Variants in GSAP observed in about 807,000 individuals in gnomAD.
GSAP encodes the protein gamma-secretase-activating protein.
In GSAP, 118 loss-of-function variants were observed where a neutral mutation model predicts 131.7. That is an observed-to-expected ratio of 0.90 (90% CI 0.77 to 1.04). The LOEUF (loss-of-function observed/expected upper bound fraction) is 1.04, where lower values mean the gene tolerates loss of function less well. Ranked by LOEUF, GSAP falls within the 50% of genes least tolerant of loss-of-function variation. The pLI is 0.00. For missense variants in GSAP, 1,019 were observed against 1,013.2 expected (o/e 1.01, Z -0.08); for synonymous variants, 381 against 363.4 (o/e 1.05, Z -0.55).
upstream of GSAP, chr7:77,416,397 C>T: frequency 1.4e-6 from 1 of 692,042 alleles, no homozygotes; most frequent in Non-Finnish European, 2.2e-6. Context: ...CCGCCTCGCC[C>T]TCGCGTCCCC....
At chr7:77,312,644 C>T (rs764852214) in intron 28 of GSAP, among the ~76,000 whole-genome samples, 74 of 152,206 alleles carry the variant, frequency 4.9e-4, no homozygotes, top group Non-Finnish European at 9.1e-4. Flanking sequence ...AGCAATGTTT[C>T]CCAGAGAGAT....
At position 77,387,502 on chromosome 7, in the gene GSAP, T is replaced by C. The variant is rs1051812036; in HGVS notation, c.368-54A>G. 1.0e-5 allele frequency: 10 copies of C among 956,162 alleles called. No homozygotes were observed. In the African/African-American group the frequency reaches 1.5e-4, roughly 14 times the overall value. The allele number at this position is 956,162 out of a possible 1,614,324, so 59.2% of individuals were successfully genotyped here. ...GAAGATTGTAATATCACACATTATT[T>C]TTTCCAAAGCAAGGAGTAAGAACAA... On this transcript the variant is annotated intron_variant, in intron 5 of 30. Transcript: ENST00000257626.
chr7:77,351,198 G>C, intron 18 of GSAP: 1 of 982,836 alleles, frequency 1.0e-6, no homozygotes, highest in Non-Finnish European at 1.2e-6. Flanking sequence ...TCTATTGTGT[G>C]CTTCATTTAT....
At chr7:77,378,090 C>T (rs1797229098) in intron 8 of GSAP, among the ~76,000 whole-genome samples, 1 of 152,162 alleles carries the variant, frequency 6.6e-6, no homozygotes, top group South Asian at 2.1e-4. Flanking sequence ...TGCTATAAGC[C>T]TCCCCCAGTG....
chr7:77,314,690 C>T (rs375582296), intron 26 of GSAP: 80 of 509,846 alleles, frequency 1.6e-4, no homozygotes, highest in South Asian at 3.0e-4. Flanking sequence ...AGTAAGTTTC[C>T]GGTAAGTATA....
At chr7:77,382,696 T>C in intron 6 of GSAP, 53 bp from the exon 7 acceptor site, 1 of 993,184 alleles carries the variant, frequency 1.0e-6, no homozygotes, top group Non-Finnish European at 1.6e-6. Flanking sequence ...CTTGAACAAG[T>C]ATTTCCAAAG....
intron 27 of GSAP, among the ~76,000 whole-genome samples, chr7:77,314,134 A>T (rs1431117462): frequency 6.6e-6 from 1 of 152,224 alleles, no homozygotes; most frequent in African/African-American, 2.4e-5. Context: ...CAGGGAATGG[A>T]TTGTGCTCAC....
intron 18 of GSAP, chr7:77,351,196 G>C: frequency 1.0e-6 from 1 of 982,972 alleles, no homozygotes. Flanking sequence ...AATCTATTGT[G>C]TGCTTCATTT....
Position 77,345,890 on chromosome 7 carries a change from T to C in GSAP, c.1545+3461A>G, listed in dbSNP as rs562100982. On this transcript the variant is annotated intron_variant, in intron 19 of 30. Coordinates refer to ENST00000257626, the MANE Select transcript of GSAP (RefSeq NM_017439.4). Reference sequence around the variant, plus strand: ...CTGGACGCACGTGACATCCCTTTCATTGAATATCAATTTATCACAAAATAA... The same window carrying C: ...CTGGACGCACGTGACATCCCTTTCACTGAATATCAATTTATCACAAAATAA... 2.5e-4 allele frequency among the ~76,000 whole-genome samples: 38 copies of C among 152,304 alleles called. No homozygotes were observed. In the South Asian group the frequency reaches 4.8e-3, roughly 19 times the overall value.
At chr7:77,319,958 C>T (rs889021460) in intron 26 of GSAP, among the ~76,000 whole-genome samples, 2 of 152,142 alleles carry the variant, frequency 1.3e-5, no homozygotes, top group Admixed American at 1.3e-4. Context: ...GACCTGCTAT[C>T]CAACATTGTA....
rs752629511 is a variant in GSAP, at chr7:77,406,080, G to A, written c.135C>T (p.Ser45=). ...TTCTTTCAACATTTAATACATGTAAGCTCTCATAATCGTTTTCTAAAACAT... is the reference window on the plus strand; with the variant it reads ...TTCTTTCAACATTTAATACATGTAAACTCTCATAATCGTTTTCTAAAACAT... The part of the protein sequence containing the change: ...GADVLENDYE[S]LHVLNVERNG... The change falls in exon 2 of 31, where the codon AGC becomes AGT. Residue 45 remains serine (S), a synonymous_variant. Coordinates refer to ENST00000257626, the MANE Select transcript of GSAP (RefSeq NM_017439.4). 1 of 1,198,488 alleles carries A rather than the reference G, an allele frequency of 8.3e-7. No homozygotes were observed. Among genetic ancestry groups the A allele is most frequent in the Non-Finnish European group, 1.1e-6 (1 of 899,222 alleles). 74.2% of individuals were successfully genotyped at this position (1,198,488 alleles called of 1,614,324 possible). A position where few individuals can be genotyped will look rare whatever the true frequency, so the allele number is the denominator to read the frequency against.
intron 26 of GSAP, among the ~76,000 whole-genome samples, chr7:77,318,258 C>A (rs1787136739): frequency 6.6e-6 from 1 of 152,156 alleles, no homozygotes; most frequent in African/African-American, 2.4e-5. Context: ...TTAAGTGGAA[C>A]CACATGAAAG....
chr7:77,405,982 A>C, intron 2 of GSAP, 47 bp downstream of exon 2: 2 of 687,772 alleles, frequency 2.9e-6, no homozygotes, highest in Non-Finnish European at 4.3e-6. Context: ...ATGATTAAAA[A>C]CAGTAAATTT....
chr7:77,400,344 C>T (rs1032443166), intron 3 of GSAP, among the ~76,000 whole-genome samples: 1 of 152,072 alleles, frequency 6.6e-6, no homozygotes, highest in Non-Finnish European at 1.5e-5. Flanking sequence ...GGGATGGTGT[C>T]CAAGGTGGCT....
intron 19 of GSAP, among the ~76,000 whole-genome samples, chr7:77,335,755 T>C (rs1027406293): frequency 6.6e-6 from 1 of 152,304 alleles, no homozygotes; most frequent in African/African-American, 2.4e-5. Context: ...TTAAGCAGCA[T>C]CTTCTTACAG....
At chr7:77,321,174 A>T (rs899940818) in intron 25 of GSAP, among the ~76,000 whole-genome samples, 159 bp downstream of exon 25, 1 of 152,152 alleles carries the variant, frequency 6.6e-6, no homozygotes, top group Non-Finnish European at 1.5e-5. Context: ...GTACATATGC[A>T]GGGGGGCATA....
chr7:77,402,616 A>AAAAAAAAAAT lies in GSAP; in HGVS notation c.243+1942_243+1943insATTTTTTTTT, dbSNP rs375595494. Among the ~76,000 whole-genome samples, 518 of 80,302 alleles carry AAAAAAAAAAT rather than the reference A, an allele frequency of 6.5e-3. 47 individuals are homozygous for AAAAAAAAAAT. The highest frequency in any genetic ancestry group is 0.03 in the Middle Eastern group (3 of 100). 52.7% of individuals were successfully genotyped at this position (80,302 alleles called of 152,430 possible). A position where few individuals can be genotyped will look rare whatever the true frequency, so the allele number is the denominator to read the frequency against. On this transcript the variant is annotated intron_variant, in intron 3 of 30. Coordinates refer to ENST00000257626, the MANE Select transcript of GSAP (RefSeq NM_017439.4). ...CTCAAAAAAAAAAAAAAAAAAAAAA[A>AAAAAAAAAAT]GAATTTTAAAGCCCATCTAGATTTG...
chr7:77,411,099 A>T (rs1345153316), intron 1 of GSAP, among the ~76,000 whole-genome samples: 6 of 7,042 alleles, frequency 8.5e-4, no homozygotes, highest in South Asian at 5.9e-3. Context: ...AGAAAATAGT[A>T]AAAAAAAAAA....
At chr7:77,379,111 G>A (rs543408124) in intron 8 of GSAP, among the ~76,000 whole-genome samples, 2 of 152,086 alleles carry the variant, frequency 1.3e-5, no homozygotes, top group African/African-American at 2.4e-5. Flanking sequence ...TCTAAACCTT[G>A]GACAATCATT....
Sources: gnomAD v4.1 joint callset for allele counts (sites outside exome capture counted in the v4.1 genomes callset) on GRCh38, gnomAD v4.1.1 for gene constraint, MANE v1.5 for transcripts, NCBI Gene and HGNC (gene_info 2026-07-23, HGNC 2026-07-21) for gene names.